The following ZNF536 variants were observed in gnomAD, a reference collection of about 807,000 sequenced individuals.
ZNF536 encodes the protein zinc finger protein 536.
Under a neutral mutation model 84.5 loss-of-function variants are expected in ZNF536, and 13 were observed. The observed-to-expected ratio is 0.15, with a 90% CI of 0.10 to 0.24. The LOEUF is 0.24. ZNF536 is among the 10% of genes least tolerant of loss of function. The pLI is 1.00. For synonymous variants in ZNF536, 811 were observed against 742.5 expected (o/e 1.09, Z -1.50); for missense variants, 1,536 against 1,747.5 (o/e 0.88, Z 2.16).
At chr19:30,318,777 C>A (rs545335007) in intron 2 of ZNF536, among the ~76,000 whole-genome samples, 14 of 152,212 alleles carry the variant, frequency 9.2e-5, no homozygotes, top group Admixed American at 8.5e-4. Context: ...TACCCGCAGC[C>A]CTGGGTCGTC....
At chr19:30,531,966 A>G (rs2044843694) in intron 2 of ZNF536, among the ~76,000 whole-genome samples, 2 of 151,962 alleles carry the variant, frequency 1.3e-5, no homozygotes, top group South Asian at 4.2e-4. Context: ...ATGGTACCCA[A>G]TGCTTAGTTC....
At chr19:30,413,920 T>G (rs1261346915) in intron 1 of ZNF536, among the ~76,000 whole-genome samples, 1 of 151,798 alleles carries the variant, frequency 6.6e-6, no homozygotes, top group Non-Finnish European at 1.5e-5. Flanking sequence ...TGAAACCCCC[T>G]GTCTCTACTA....
intron 1 of ZNF536, among the ~76,000 whole-genome samples, chr19:30,439,599 C>T (rs2051918971): frequency 6.6e-6 from 1 of 152,188 alleles, no homozygotes; most frequent in Non-Finnish European, 1.5e-5. Flanking sequence ...GCAGCGGCCT[C>T]GGCTGCACCT....
intron 1 of ZNF536, among the ~76,000 whole-genome samples, chr19:30,400,348 C>G (rs765497522): frequency 1.1e-4 from 17 of 152,146 alleles, no homozygotes; most frequent in Admixed American, 2.0e-4. Context: ...TTTGTACCAG[C>G]AATGCATGAG....
At chr19:30,475,133 T>C (rs1019334829) in intron 2 of ZNF536, among the ~76,000 whole-genome samples, 3 of 152,180 alleles carry the variant, frequency 2.0e-5, no homozygotes, top group Admixed American at 6.5e-5. Flanking sequence ...CAGGCTGGAG[T>C]GCAGTGGCAC....
intron 1 of ZNF536, among the ~76,000 whole-genome samples, chr19:30,698,817 C>T (rs1393351238): frequency 6.6e-6 from 1 of 152,234 alleles, no homozygotes; most frequent in African/African-American, 2.4e-5. Flanking sequence ...AAGGAAGTCA[C>T]TTGGCACAGT....
At chr19:30,567,303 G>A (rs1488638971) in intron 1 of ZNF536, among the ~76,000 whole-genome samples, 1 of 152,178 alleles carries the variant, frequency 6.6e-6, no homozygotes, top group East Asian at 1.9e-4. Context: ...GGAGCGCGTG[G>A]GCGGGGCACT....
At chr19:30,512,739 G>A (rs1008949070) in intron 2 of ZNF536, among the ~76,000 whole-genome samples, 1 of 152,196 alleles carries the variant, frequency 6.6e-6, no homozygotes, top group Admixed American at 6.5e-5. Flanking sequence ...TTGTCAGGTA[G>A]TAAAGCTGGA....
chr19:30,685,046 C>G (rs2051120297), intron 1 of ZNF536, among the ~76,000 whole-genome samples: 1 of 152,162 alleles, frequency 6.6e-6, no homozygotes, highest in African/African-American at 2.4e-5. Flanking sequence ...ATTAGCCTAC[C>G]AGATTGGACT....
At chr19:30,415,284 C>CCTTCTTCTTCTT (rs527266201) in intron 1 of ZNF536, among the ~76,000 whole-genome samples, 2,692 of 120,080 alleles carry the variant, frequency 0.022, 52 homozygotes, top group Middle Eastern at 0.04. Context: ...TCCTCCTCCT[C>CCTTCTTCTTCTT]CTTCTTCTTC....
chr19:30,293,077 C>T (rs574103429), intron 2 of ZNF536, among the ~76,000 whole-genome samples: 2 of 152,194 alleles, frequency 1.3e-5, no homozygotes, highest in African/African-American at 2.4e-5. Flanking sequence ...GTGTAGATAC[C>T]TTTGGCCCAC....
At chr19:30,541,226 G>A (rs1367684467) in intron 3 of ZNF536, among the ~76,000 whole-genome samples, 1 of 152,120 alleles carries the variant, frequency 6.6e-6, no homozygotes, top group African/African-American at 2.4e-5. Context: ...TACATTTGAT[G>A]CTTCTATGTA....
At chr19:30,398,700 C>T (rs1424045116) in intron 1 of ZNF536, among the ~76,000 whole-genome samples, 1 of 151,876 alleles carries the variant, frequency 6.6e-6, no homozygotes, top group Non-Finnish European at 1.5e-5. Flanking sequence ...TCATCCATGT[C>T]CCTGCAAAGG....
chr19:30,650,222 GGAT>G (rs551509380), intron 1 of ZNF536, among the ~76,000 whole-genome samples: 84 of 152,302 alleles, frequency 5.5e-4, no homozygotes, highest in Admixed American at 1.2e-3. Context: ...TACTTCAAAG[GGAT>G]GATCTGCAAA....
intron 1 of ZNF536, among the ~76,000 whole-genome samples, chr19:30,418,125 C>T (rs923253828): frequency 6.6e-5 from 10 of 151,104 alleles, no homozygotes; most frequent in East Asian, 1.9e-4. Context: ...TAATCAGAAA[C>T]GAATACCCAA....
At chr19:30,289,777 C>T (rs1021647871) in intron 2 of ZNF536, among the ~76,000 whole-genome samples, 12 of 152,196 alleles carry the variant, frequency 7.9e-5, no homozygotes, top group Non-Finnish European at 1.5e-4. Flanking sequence ...GCTCTTATGC[C>T]TCTATGCCAA....
intron 1 of ZNF536, among the ~76,000 whole-genome samples, chr19:30,433,802 G>T (rs988751224): frequency 1.3e-5 from 2 of 152,154 alleles, no homozygotes; most frequent in Admixed American, 1.3e-4. Context: ...TGGCCAACAG[G>T]AGCATTTTTA....
intron 1 of ZNF536, among the ~76,000 whole-genome samples, chr19:30,611,674 T>G (rs1345358218): frequency 6.6e-6 from 1 of 152,232 alleles, no homozygotes. Flanking sequence ...CGCGTACTAT[T>G]TCTGCATAAA....
At chr19:30,447,909 C>A (rs1391270393) in intron 2 of ZNF536, among the ~76,000 whole-genome samples, 1 of 152,204 alleles carries the variant, frequency 6.6e-6, no homozygotes, top group Non-Finnish European at 1.5e-5. Flanking sequence ...ACCAAATGTT[C>A]AGCTTCATTA....
Sources: gnomAD v4.1 joint callset for allele counts (sites outside exome capture counted in the v4.1 genomes callset) on GRCh38, gnomAD v4.1.1 for gene constraint, MANE v1.5 for transcripts, NCBI Gene and HGNC (gene_info 2026-07-23, HGNC 2026-07-21) for gene names.